The following OR2L13 variants were observed in gnomAD, a reference collection of about 807,000 sequenced individuals.
The protein encoded by OR2L13 is olfactory receptor 2L13.
A neutral mutation model predicts 15.3 loss-of-function variants in OR2L13; 14 were observed. The observed-to-expected ratio is 0.91, with a 90% CI of 0.60 to 1.43. OR2L13 has a LOEUF of 1.43. Among genes scored for constraint, OR2L13 ranks in the 40% most tolerant of loss-of-function variants. The probability of loss-of-function intolerance (pLI) is 0.00; values close to 1 mark genes in which losing one functional copy is unlikely to be tolerated. For missense variants in OR2L13, 367 were observed against 387.9 expected (o/e 0.95, Z 0.45); for synonymous variants, 152 against 142.9 (o/e 1.06, Z -0.45).
chr1:248,000,325 A>G, the OR2L13 span, among the ~76,000 whole-genome samples: 6 of 151,992 alleles, frequency 3.9e-5, no homozygotes, highest in South Asian at 8.3e-4. Context: ...TTGGTTCCCA[A>G]CTCTGTCACT....
At chr1:248,038,332 T>G in the OR2L13 span, 2 of 1,613,504 alleles carry the variant, frequency 1.2e-6, no homozygotes, top group African/African-American at 2.7e-5. Flanking sequence ...CAATCAAGAA[T>G]TGGCCTTTTC....
the OR2L13 span, among the ~76,000 whole-genome samples, chr1:247,987,594 A>T: frequency 6.6e-6 from 1 of 152,140 alleles, no homozygotes; most frequent in African/African-American, 2.4e-5. Flanking sequence ...AAAATATTCG[A>T]CCCATAACAA....
chr1:247,968,881 G>A, the OR2L13 span, among the ~76,000 whole-genome samples: 289 of 152,216 alleles, frequency 1.9e-3, no homozygotes, highest in African/African-American at 6.6e-3. Context: ...GGCTGGGTCA[G>A]ATGGTATTTC....
the OR2L13 span, among the ~76,000 whole-genome samples, chr1:248,072,216 GA>G: frequency 6.6e-6 from 1 of 152,134 alleles, no homozygotes; most frequent in Non-Finnish European, 1.5e-5. Context: ...CACGCTACCT[GA>G]CTTCAAACTA....
At chr1:248,020,864 A>G in the OR2L13 span, among the ~76,000 whole-genome samples, 3 of 151,386 alleles carry the variant, frequency 2.0e-5, no homozygotes, top group African/African-American at 7.3e-5. Flanking sequence ...GCTTTGCATA[A>G]TAATTCCAAG....
the OR2L13 span, among the ~76,000 whole-genome samples, chr1:247,983,005 GTTTATT>G: frequency 6.6e-6 from 1 of 151,862 alleles, no homozygotes; most frequent in Non-Finnish European, 1.5e-5. Context: ...TTATGTAAAT[GTTTATT>G]TTTATATATA....
At chr1:247,940,021 CA>C in the OR2L13 span, among the ~76,000 whole-genome samples, 1 of 152,150 alleles carries the variant, frequency 6.6e-6, no homozygotes, top group African/African-American at 2.4e-5. Context: ...TCAAGTCTCA[CA>C]ATCAGTTTCT....
chr1:247,996,862 A>T, the OR2L13 span: 1 of 152,194 alleles, frequency 6.6e-6, no homozygotes, highest in South Asian at 2.1e-4. Context: ...GACAAAAAAA[A>T]TTTTCAGCTT....
Position 248,099,656 on chromosome 1 carries a change from T to A in OR2L13, c.281T>A (p.Leu94Gln), listed in dbSNP as rs187832710. The A allele has an allele frequency of 3.1e-6, 5 of 1,614,166 alleles. No homozygotes were observed. The highest frequency in any genetic ancestry group is 3.3e-5 in the Admixed American group (2 of 60,026). ...TCCGGCCAGAAAGGCATCTCCTTCC[T>A]GGGATGTGGTGTGCAAAGCTTCTTC... Residue 94 changes from leucine to glutamine, a missense_variant, in exon 3 of 3, where the codon CTG becomes CAG. Coordinates refer to ENST00000641714, the Ensembl canonical transcript of OR2L13.
chr1:248,096,606 TTTA>T (rs1314830578), upstream of OR2L13, among the ~76,000 whole-genome samples: 1 of 152,226 alleles, frequency 6.6e-6, no homozygotes, highest in East Asian at 1.9e-4. Context: ...GTGAATTCTC[TTTA>T]TAGTTGTCCT....
the OR2L13 span, among the ~76,000 whole-genome samples, chr1:247,941,577 A>C: frequency 6.6e-6 from 1 of 152,172 alleles, no homozygotes; most frequent in African/African-American, 2.4e-5. Flanking sequence ...TTGATTCCTC[A>C]ATTAAACCAA....
chr1:247,989,999 A>C, the OR2L13 span, among the ~76,000 whole-genome samples: 1 of 152,146 alleles, frequency 6.6e-6, no homozygotes. Context: ...AAAAAACTGC[A>C]TTCACACAAC....
chr1:248,028,951 T>A, the OR2L13 span, among the ~76,000 whole-genome samples: 2 of 152,238 alleles, frequency 1.3e-5, no homozygotes, highest in African/African-American at 4.8e-5. Context: ...TACTATTATG[T>A]AACAGCCAAG....
chr1:248,024,532 G>C, the OR2L13 span, among the ~76,000 whole-genome samples: 4 of 151,968 alleles, frequency 2.6e-5, no homozygotes, highest in East Asian at 7.7e-4. Context: ...GGGTTTTTAT[G>C]GTTTTAGGTC....
chr1:247,982,951 A>G, the OR2L13 span, among the ~76,000 whole-genome samples: 1 of 152,110 alleles, frequency 6.6e-6, no homozygotes, highest in African/African-American at 2.4e-5. Flanking sequence ...CTTACTGCCT[A>G]AAAATATTTG....
the OR2L13 span, chr1:247,990,758 G>A: frequency 2.9e-5 from 47 of 1,599,784 alleles, no homozygotes; most frequent in Admixed American, 1.8e-4. Context: ...TATGCACTCC[G>A]TATCCCATAT....
chr1:247,968,217 A>T, the OR2L13 span, among the ~76,000 whole-genome samples: 7 of 152,302 alleles, frequency 4.6e-5, no homozygotes, highest in South Asian at 1.5e-3. Context: ...TAGATAATTA[A>T]ACTGAATGTC....
chr1:247,979,952 A>C, the OR2L13 span, among the ~76,000 whole-genome samples: 1 of 152,202 alleles, frequency 6.6e-6, no homozygotes, highest in African/African-American at 2.4e-5. Context: ...TATAACATAC[A>C]CTTGTATAAA....
chr1:247,973,517 TC>T, the OR2L13 span, among the ~76,000 whole-genome samples: 1 of 152,038 alleles, frequency 6.6e-6, no homozygotes, highest in Non-Finnish European at 1.5e-5. Flanking sequence ...ATGAGTGAAC[TC>T]CCATTCACAA....
Sources: gnomAD v4.1 joint callset for allele counts (sites outside exome capture counted in the v4.1 genomes callset) on GRCh38, gnomAD v4.1.1 for gene constraint, MANE v1.5 for transcripts, NCBI Gene and HGNC (gene_info 2026-07-23, HGNC 2026-07-21) for gene names.